Variants in C8orf34 observed in about 807,000 individuals in gnomAD.
C8orf34 encodes uncharacterized protein C8orf34.
Under a neutral mutation model 68.3 loss-of-function variants are expected in C8orf34, and 65 were observed. The ratio of observed to expected loss-of-function variants is 0.95; its 90% CI spans 0.78 to 1.17. C8orf34 has a LOEUF of 1.17. Among genes scored for constraint, C8orf34 ranks in the 50% most tolerant of loss-of-function variants. C8orf34 has a pLI of 0.00. For missense variants in C8orf34, 664 were observed against 655.4 expected (o/e 1.01, Z -0.14); for synonymous variants, 244 against 241.2 (o/e 1.01, Z -0.11).
At chr8:68,633,782 A>G (rs1818759596) in intron 7 of C8orf34, among the ~76,000 whole-genome samples, 1 of 152,184 alleles carries the variant, frequency 6.6e-6, no homozygotes, top group South Asian at 2.1e-4. Flanking sequence ...GAGTAGAAAA[A>G]AGAGAGGAAG....
intron 10 of C8orf34, among the ~76,000 whole-genome samples, chr8:68,752,712 A>G (rs1490612068): frequency 6.6e-6 from 1 of 152,128 alleles, no homozygotes; most frequent in Non-Finnish European, 1.5e-5. Flanking sequence ...GTGTCCTTCG[A>G]GAGTTTTCCA....
chr8:68,758,326 T>G (rs575686900), intron 10 of C8orf34, among the ~76,000 whole-genome samples: 16 of 152,354 alleles, frequency 1.1e-4, no homozygotes, highest in African/African-American at 3.8e-4. Flanking sequence ...ATTTTGTTTC[T>G]GTGGGTCAGT....
chr8:68,649,053 T>G (rs1049812062), intron 8 of C8orf34, among the ~76,000 whole-genome samples: 1 of 152,222 alleles, frequency 6.6e-6, no homozygotes, highest in Non-Finnish European at 1.5e-5. Flanking sequence ...ACGTTTATAT[T>G]CAGCAGCTTC....
At chr8:68,588,440 C>A (rs915271758) in intron 7 of C8orf34, among the ~76,000 whole-genome samples, 45 of 152,194 alleles carry the variant, frequency 3.0e-4, no homozygotes, top group African/African-American at 1.1e-3. Flanking sequence ...TTCTTGTATT[C>A]TTTTAATCAA....
At chr8:68,398,014 C>A (rs1208619376) in intron 1 of C8orf34, among the ~76,000 whole-genome samples, 1 of 152,148 alleles carries the variant, frequency 6.6e-6, no homozygotes, top group African/African-American at 2.4e-5. Flanking sequence ...AGAGATCCAC[C>A]TGCCTTGGGC....
chr8:68,553,384 CAAA>C (rs553767784), intron 7 of C8orf34, among the ~76,000 whole-genome samples: 1 of 13,654 alleles, frequency 7.3e-5, no homozygotes, highest in African/African-American at 2.7e-4. Context: ...GACTCCATCT[CAAA>C]AAAAAAAAAA....
chr8:68,467,943 G>A (rs547062637), intron 3 of C8orf34, among the ~76,000 whole-genome samples: 4 of 151,700 alleles, frequency 2.6e-5, no homozygotes, highest in Non-Finnish European at 5.9e-5. Context: ...AATATGCCTC[G>A]ACCTGTGCCC....
At chr8:68,339,035 T>G (rs1314200395) in intron 1 of C8orf34, among the ~76,000 whole-genome samples, 1 of 152,154 alleles carries the variant, frequency 6.6e-6, no homozygotes, top group Non-Finnish European at 1.5e-5. Flanking sequence ...TCTGTCCAAA[T>G]ATGTTGCCCA....
At chr8:68,545,497 A>G (rs116224237) in intron 7 of C8orf34, among the ~76,000 whole-genome samples, 196 of 152,166 alleles carry the variant, frequency 1.3e-3, no homozygotes, top group African/African-American at 4.4e-3. Flanking sequence ...GCATTCAGAG[A>G]AAAAAAAGAT....
intron 10 of C8orf34, among the ~76,000 whole-genome samples, chr8:68,750,235 A>G (rs1187523485): frequency 1.3e-5 from 2 of 152,198 alleles, no homozygotes; most frequent in Non-Finnish European, 2.9e-5. Flanking sequence ...ACATGAACTA[A>G]TGAATGGATA....
intron 8 of C8orf34, among the ~76,000 whole-genome samples, chr8:68,693,796 G>A (rs1820749474): frequency 1.3e-5 from 2 of 152,218 alleles, no homozygotes; most frequent in East Asian, 1.9e-4. Flanking sequence ...CCACTTCCTA[G>A]CTTAGGGTCC....
At chr8:68,678,479 A>G (rs1258012607) in intron 8 of C8orf34, among the ~76,000 whole-genome samples, 2 of 152,236 alleles carry the variant, frequency 1.3e-5, no homozygotes, top group Non-Finnish European at 2.9e-5. Flanking sequence ...AATGAAAGTC[A>G]GAAACCATAC....
intron 7 of C8orf34, 27 bp from the exon 8 acceptor site, chr8:68,640,349 T>C: frequency 6.3e-7 from 1 of 1,599,526 alleles, no homozygotes; most frequent in Non-Finnish European, 8.5e-7. Flanking sequence ...TTAATTTTTT[T>C]CTCTGTAATT....
chr8:68,717,434 A>G (rs1406306412), intron 9 of C8orf34, among the ~76,000 whole-genome samples: 2 of 151,456 alleles, frequency 1.3e-5, no homozygotes, highest in Non-Finnish European at 2.9e-5. Flanking sequence ...AGGAGCTTGC[A>G]GTGAGCCAAT....
chr8:68,610,676 C>T (rs562114812), intron 7 of C8orf34, among the ~76,000 whole-genome samples: 5 of 152,032 alleles, frequency 3.3e-5, no homozygotes, highest in Admixed American at 6.6e-5. Flanking sequence ...TGCCTTTCTC[C>T]GTTTTTAAGT....
chr8:68,587,966 T>C (rs1817257857), intron 7 of C8orf34, among the ~76,000 whole-genome samples: 1 of 152,148 alleles, frequency 6.6e-6, no homozygotes, highest in African/African-American at 2.4e-5. Flanking sequence ...CCAGTTCATA[T>C]TTTAGGTATT....
rs181862855 is a variant in C8orf34 at position 68,369,123 on chromosome 8, T to C, written c.327+37784T>C. Among the ~76,000 whole-genome samples, 312 of 152,324 alleles carry C rather than the reference T, an allele frequency of 2.0e-3. 1 individual carries two copies. The highest frequency in any genetic ancestry group is 7.2e-3 in the African/African-American group (300 of 41,566). ...TTCAGATTCAAAAGCAGACAAGTAA[T>C]AAATATTTTTATCCTTTATGCACAT... On this transcript the variant is annotated intron_variant, in intron 1 of 13. Coordinates refer to ENST00000518698, the MANE Select transcript of C8orf34 (RefSeq NM_052958.4).
At chr8:68,621,991 T>C (rs1818402244) in intron 7 of C8orf34, among the ~76,000 whole-genome samples, 1 of 152,192 alleles carries the variant, frequency 6.6e-6, no homozygotes, top group East Asian at 1.9e-4. Flanking sequence ...GTGATCAAGA[T>C]TCCAGCCAGG....
chr8:68,677,139 C>T (rs1202289585), intron 8 of C8orf34, among the ~76,000 whole-genome samples: 4 of 152,112 alleles, frequency 2.6e-5, no homozygotes, highest in Non-Finnish European at 4.4e-5. Flanking sequence ...GGAACCTATA[C>T]AAACACATGA....
Sources: allele counts gnomAD v4.1 joint callset (sites outside exome capture counted in the v4.1 genomes callset), GRCh38; gene constraint gnomAD v4.1.1; transcripts MANE v1.5; gene names NCBI Gene and HGNC (gene_info 2026-07-23, HGNC 2026-07-21).